CD8B2: variants seen among roughly 807,000 people sequenced by gnomAD.
CD8B2 encodes the protein CD8B family member 2, also known as T-cell surface glycoprotein CD8 beta-2 chain.
CD8B2 carries 11 observed loss-of-function variants against 23.7 expected under a neutral mutation model. The ratio of observed to expected loss-of-function variants is 0.46; its 90% confidence interval spans 0.29 to 0.77. The LOEUF (loss-of-function observed/expected upper bound fraction) is 0.77. CD8B2 is among the 30% of genes least tolerant of loss of function. The pLI, the probability that CD8B2 is intolerant of heterozygous loss-of-function variation, is 0.09. For missense variants in CD8B2, 197 were observed against 270.5 expected, an observed-to-expected ratio of 0.73 and a Z score of 1.91; for synonymous variants, 90 against 109.3, an observed-to-expected ratio of 0.82 and a Z score of 1.10.
At chr2:106,544,154 T>C (rs916602401) in exon 6 of CD8B2, 9 of 398,294 alleles carry the variant, frequency 2.3e-5, no homozygotes, top group Non-Finnish European at 4.0e-5. Context: ...GTGCTCAGAC[T>C]GCATGCGTGT....
rs1432972113 is a variant in CD8B2, at chr2:106,507,664, A to G, written c.*724A>G. 1.0e-6 allele frequency: 1 copy of G among 956,638 alleles called. No individual in the cohort carries two copies. Among genetic ancestry groups the G allele is most frequent in the African/African-American group, 1.8e-5 (1 of 56,654 alleles). 59.3% of individuals were successfully genotyped at this position (956,638 alleles called of 1,614,324 possible). A position where few individuals can be genotyped will look rare whatever the true frequency, so the allele number is the denominator to read the frequency against. On this transcript the variant is annotated 3_prime_UTR_variant, in exon 6 of 6. Transcript: ENST00000643224. ...ATAAAGTCCCAGGTTAAAGATAACA[A>G]ACGGGTCCTGTGACATAAACGTACG...
At chr2:106,496,138 T>G (rs1476753444) in intron 2 of CD8B2, 35 bp from the exon 3 acceptor site, 1 of 1,548,468 alleles carries the variant, frequency 6.5e-7, no homozygotes, top group Non-Finnish European at 8.7e-7. Flanking sequence ...TGGTGTTCAC[T>G]TGGCTAAGAT....
At chr2:106,524,659 T>C (rs1679882814) in intron 5 of CD8B2, among the ~76,000 whole-genome samples, 1 of 152,206 alleles carries the variant, frequency 6.6e-6, no homozygotes, top group African/African-American at 2.4e-5. Context: ...CTAAAGTTGC[T>C]GCTGCTGCTT....
chr2:106,488,806 C>T (rs995039668), intron 1 of CD8B2, among the ~76,000 whole-genome samples: 2 of 140,948 alleles, frequency 1.4e-5, no homozygotes, highest in Admixed American at 7.5e-5. Context: ...ATGTATGCGC[C>T]ATGCCAGGCA....
chr2:106,522,550 A>G (rs1679843567), intron 5 of CD8B2, among the ~76,000 whole-genome samples: 1 of 152,208 alleles, frequency 6.6e-6, no homozygotes, highest in African/African-American at 2.4e-5. Context: ...GTCTTTGCCA[A>G]GGAGTTCTGG....
rs190358995 is a variant in CD8B2, at chr2:106,523,512, G to T, written c.620+19187G>T. Among the ~76,000 whole-genome samples, 670 of 152,242 alleles carry T rather than the reference G, an allele frequency of 4.4e-3. 3 individuals are homozygous for T. Among genetic ancestry groups the T allele is most frequent in the African/African-American group, 0.015 (642 of 41,530 alleles). ...TGCCCTGACTGGAGGCTGTCGGTCT[G>T]GGGTAGCTGCAGATGGCTAACTAGA... On this transcript the variant is annotated intron_variant, in intron 5 of 5. Coordinates refer to the CD8B2 transcript ENST00000416057.
chr2:106,503,918 T>C (rs937266548), intron 4 of CD8B2, among the ~76,000 whole-genome samples: 32 of 152,132 alleles, frequency 2.1e-4, no homozygotes, highest in Non-Finnish European at 4.6e-4. Flanking sequence ...TCTGGGACCT[T>C]TCATGTCTGA....
At chr2:106,536,324 G>A (rs1006357241) in intron 5 of CD8B2, among the ~76,000 whole-genome samples, 15 of 152,154 alleles carry the variant, frequency 9.9e-5, no homozygotes, top group Non-Finnish European at 1.6e-4. Context: ...GAACCACTGC[G>A]CCTGGCCACC....
At chr2:106,520,810 C>T (rs1005345239) in intron 5 of CD8B2, among the ~76,000 whole-genome samples, 13 of 151,974 alleles carry the variant, frequency 8.6e-5, no homozygotes, top group Admixed American at 2.6e-4. Flanking sequence ...GTGGAGGTTG[C>T]AGTGAGCCGA....
chr2:106,517,888 G>C (rs996248661), intron 5 of CD8B2, among the ~76,000 whole-genome samples: 1 of 151,934 alleles, frequency 6.6e-6, no homozygotes, highest in Non-Finnish European at 1.5e-5. Context: ...AATTTTTTTT[G>C]TAATTTTAGT....
intron 3 of CD8B2, among the ~76,000 whole-genome samples, chr2:106,497,469 C>T (rs536310424): frequency 1.3e-5 from 2 of 152,218 alleles, no homozygotes; most frequent in Non-Finnish European, 2.9e-5. Flanking sequence ...ACCCATCAGC[C>T]CAAACGTGTT....
intron 4 of CD8B2, among the ~76,000 whole-genome samples, chr2:106,503,791 A>T (rs988644670): frequency 2.0e-5 from 3 of 152,168 alleles, no homozygotes; most frequent in Non-Finnish European, 4.4e-5. Context: ...GAAAATCAAA[A>T]GTAATAAAGG....
chr2:106,510,529 G>GAGC lies in CD8B2; in HGVS notation c.*3593_*3595dup. On this transcript the variant is annotated 3_prime_UTR_variant, in exon 6 of 6. Transcript: ENST00000643224. ...TGATCACTTGAGCTCAGGAGTTTGA[G>GAGC]AGCAGCCTAGGCAACATAGCAAGAC... 1 of 152,232 alleles carries GAGC rather than the reference G, an allele frequency of 6.6e-6. No individual in the cohort carries two copies. Among genetic ancestry groups the GAGC allele is most frequent in the African/African-American group, 2.4e-5 (1 of 41,546 alleles). The allele number at this position is 152,232 out of a possible 1,614,324, so 9.4% of individuals were successfully genotyped here.
At chr2:106,543,891 T>TTTA (rs1553469506) in intron 5 of CD8B2, 8 of 397,216 alleles carry the variant, frequency 2.0e-5, no homozygotes, top group African/African-American at 1.6e-4. Context: ...TTTCTGTGGA[T>TTTA]TTGTGCTTAT....
chr2:106,502,518 G>C lies in CD8B2; in HGVS notation c.538G>C (p.Val180Leu), dbSNP rs533355721. The change falls in exon 4 of 6, where the codon GTC becomes CTC. Residue 180 changes from valine (V) to leucine (L), a missense_variant. By Grantham distance (32) the Val-to-Leu change is conservative. Coordinates refer to ENST00000643224, the MANE Select transcript of CD8B2 (RefSeq NM_001349727.2). ...CACCCTTGGCCTGCTGGTGGCTGGC[G>C]TCCTGGTTCTGCTGGTTTCCCTGGG... is the stretch of plus-strand genomic sequence containing the variant. ...PVTLGLLVAG[V>L]LVLLVSLGVA... The C allele has an allele frequency of 4.0e-5, 63 of 1,585,164 alleles. No homozygotes were observed. The highest frequency in any genetic ancestry group is 3.4e-6 in the Non-Finnish European group (4 of 1,164,874).
chr2:106,506,732 T>C (rs1679513334), intron 5 of CD8B2, among the ~76,000 whole-genome samples, 196 bp from the exon 6 acceptor site: 1 of 151,824 alleles, frequency 6.6e-6, no homozygotes. Context: ...TGCAGTTTTG[T>C]TTTGTTTTGG....
chr2:106,505,643 C>G (rs1679490249), intron 5 of CD8B2, among the ~76,000 whole-genome samples: 1 of 152,202 alleles, frequency 6.6e-6, no homozygotes, highest in African/African-American at 2.4e-5. Context: ...ATTCATATTA[C>G]TATATGCTCT....
intron 5 of CD8B2, chr2:106,521,912 T>G (rs1337934349): frequency 1.3e-5 from 2 of 152,360 alleles, no homozygotes; most frequent in African/African-American, 4.8e-5. Flanking sequence ...AACCATGGAG[T>G]GTCTGGGTGG....
At chr2:106,523,051 A>T (rs1679851711) in intron 5 of CD8B2, among the ~76,000 whole-genome samples, 6 of 152,168 alleles carry the variant, frequency 3.9e-5, no homozygotes, top group Admixed American at 3.9e-4. Context: ...TATGTAGTCT[A>T]TTTTGCCATG....
Sources: allele counts gnomAD v4.1 joint callset (sites outside exome capture counted in the v4.1 genomes callset), GRCh38; gene constraint gnomAD v4.1.1; transcripts MANE v1.5; gene names NCBI Gene and HGNC (gene_info 2026-07-23, HGNC 2026-07-21).